The following CAD variants were observed in gnomAD, a reference collection of about 807,000 sequenced individuals.
CAD encodes multifunctional protein CAD.
Under a neutral mutation model 237.2 loss-of-function variants are expected in CAD, and 81 were observed. The ratio of observed to expected loss-of-function variants is 0.34; its 90% CI spans 0.29 to 0.41. CAD has a LOEUF of 0.41. CAD is among the 10% of genes least tolerant of loss of function. CAD has a pLI of 1.00. For missense variants in CAD, 2,181 were observed against 2,951.7 expected, an observed-to-expected ratio of 0.74 and a Z score of 6.05; for synonymous variants, 1,196 against 1,162.8, an observed-to-expected ratio of 1.03 and a Z score of -0.58.
Position 27,236,192 on chromosome 2 carries a change from C to T in CAD, c.4075-92C>T. 1 of 1,532,042 alleles carries T rather than the reference C, an allele frequency of 6.5e-7. No individual in the cohort carries two copies. The allele number at this position is 1,532,042 out of a possible 1,614,324, so 94.9% of individuals were successfully genotyped here. A position where few individuals can be genotyped will look rare whatever the true frequency, so the allele number is the denominator to read the frequency against. On this transcript the variant is annotated intron_variant, in intron 25 of 43. Transcript: ENST00000264705. The surrounding 1 kb of genome is among the most constrained non-coding windows in gnomAD (Gnocchi z 4.1). ...CCCTATGGGTCCTCAGTCTCCTCAT[C>T]ATGGGCTCCTGGGCCAGCTCCTCTC...
At chr2:27,238,292 C>G in intron 30 of CAD, 105 bp downstream of exon 30, 1 of 1,487,404 alleles carries the variant, frequency 6.7e-7, no homozygotes, top group Non-Finnish European at 9.1e-7. Flanking sequence ...AGTCTGGAGA[C>G]AGCAGGAGGA....
In CAD at chr2:27,239,181, C is replaced by A; in HGVS notation, c.5202C>A (p.His1734Gln). The change falls in exon 32 of 44, where the codon CAC becomes CAA. Residue 1734 changes from histidine to glutamine, a missense_variant. By Grantham distance (24) the His-to-Gln change is conservative. Coordinates refer to ENST00000264705, the MANE Select transcript of CAD (RefSeq NM_004341.5). The surrounding 1 kb of genome is among the most constrained non-coding windows in gnomAD (Gnocchi z 4.0). ...ACGACCTGCTGCAGCGATTGCACCA[C>A]AATCCTCGGCGCATCTTTCACCTGC... ...SLDDLLQRLH[H>Q]NPRRIFHLPP... is the part of the protein sequence containing the mutation. The A allele has an allele frequency of 6.2e-7, 1 of 1,611,740 alleles. No individual in the cohort carries two copies. Among genetic ancestry groups the A allele is most frequent in the Non-Finnish European group, 8.5e-7 (1 of 1,178,662 alleles).
chr2:27,232,668 G>C lies in CAD; in HGVS notation c.2866G>C (p.Val956Leu). Residue 956 changes from valine to leucine, a missense_variant, in exon 18 of 44, where the codon GTA (valine) becomes CTA (leucine). Coordinates refer to ENST00000264705, the MANE Select transcript of CAD (RefSeq NM_004341.5). The surrounding 1 kb of genome is among the most constrained non-coding windows in gnomAD (Gnocchi z 4.1). ...GSSVEFDWCA[V>L]GCIQQLRKMG... Reference sequence around the variant, plus strand: ...TAGCGTTGAATTTGACTGGTGTGCTGTAGGCTGCATCCAGCAGCTCCGAAA... The same window carrying C: ...TAGCGTTGAATTTGACTGGTGTGCTCTAGGCTGCATCCAGCAGCTCCGAAA... The C allele has an allele frequency of 6.2e-7, 1 of 1,614,212 alleles. No homozygotes were observed. Among genetic ancestry groups the C allele is most frequent in the Non-Finnish European group, 8.5e-7 (1 of 1,180,028 alleles).
In CAD at chr2:27,222,677, T is replaced by C. The variant is rs765386774; in HGVS notation, c.637+17T>C. 1.9e-6 allele frequency: 3 copies of C among 1,606,854 alleles called. No homozygotes were observed. Among genetic ancestry groups the C allele is most frequent in the African/African-American group, 2.7e-5 (2 of 74,738 alleles). ...ACAGCCAAGGTGAGTAGCTGGGGCC[T>C]GTTCAGGGCCTCAGACAAGCAGCTT... On this transcript the variant is annotated intron_variant, in intron 5 of 43. Transcript: ENST00000264705.
rs1365988813 is a variant in CAD, at chr2:27,236,334, A to C, written c.4125A>C (p.Pro1375=). ...AGGAGGCTGTGGATGGTGAGTGCCC[A>C]CCACAGCGGAGCATCCTGGAGCAGC... The part of the protein sequence containing the change: ...HFEEAVDGEC[P]PQRSILEQLA... Residue 1375 remains proline (P), a synonymous_variant, in exon 26 of 44, where the codon CCA becomes CCC. Transcript: ENST00000264705. The surrounding 1 kb of genome is among the most constrained non-coding windows in gnomAD (Gnocchi z 4.1). 6.2e-7 allele frequency: 1 copy of C among 1,614,068 alleles called. No individual in the cohort carries two copies. The highest frequency in any genetic ancestry group is 8.5e-7 in the Non-Finnish European group (1 of 1,180,012).
chr2:27,228,346 G>A (rs777349288), intron 15 of CAD, among the ~76,000 whole-genome samples: 2 of 152,148 alleles, frequency 1.3e-5, no homozygotes, highest in Admixed American at 6.5e-5. Context: ...AAAGTTATTC[G>A]TACTCATCAA....
Position 27,233,919 on chromosome 2 carries a change from A to G in CAD, c.3400-89A>G, listed in dbSNP as rs1011745512. 5 of 1,542,344 alleles carry G rather than the reference A, an allele frequency of 3.2e-6. No homozygotes were observed. The highest frequency in any genetic ancestry group is 1.1e-5 in the South Asian group (1 of 88,336). On this transcript the variant is annotated intron_variant, in intron 21 of 43. Transcript: ENST00000264705. The surrounding 1 kb of genome is among the most constrained non-coding windows in gnomAD (Gnocchi z 6.3). ...GCACCAGGGCTGGGAACAGTGGGCT[A>G]TGTGGGGCTCGTTAAAGGAAGAGAC... is the stretch of plus-strand genomic sequence containing the variant.
Position 27,240,320 on chromosome 2 carries a change from T to G in CAD, c.5552T>G (p.Leu1851Arg). Reference sequence around the variant, plus strand: ...GGGCTTCCTGATGGCCGCTTCCATCTGCCGCCCCGAATCCATCGAGCCTCC... The same window carrying G: ...GGGCTTCCTGATGGCCGCTTCCATCGGCCGCCCCGAATCCATCGAGCCTCC... The part of the protein sequence containing the change: ...IPGLPDGRFH[L>R]PPRIHRASDP... Residue 1851 changes from leucine to arginine, a missense_variant, in exon 35 of 44, where the codon CTG becomes CGG. Leu to Arg is a moderately radical substitution (Grantham distance 102, BLOSUM62 -2). Transcript: ENST00000264705. The surrounding 1 kb of genome is among the most constrained non-coding windows in gnomAD (Gnocchi z 4.6). 1 of 1,614,064 alleles carries G rather than the reference T, an allele frequency of 6.2e-7. No individual in the cohort carries two copies. The highest frequency in any genetic ancestry group is 1.1e-5 in the South Asian group (1 of 91,074).
chr2:27,222,885 A>G lies in CAD; in HGVS notation c.657A>G (p.Leu219=). Residue 219 remains leucine, a synonymous_variant, in exon 6 of 44, where the codon TTA becomes TTG. Coordinates refer to ENST00000264705, the MANE Select transcript of CAD (RefSeq NM_004341.5). ...CTCCAGAGTATGAGGGTCTCTTCTT[A>G]AGTAATGGGCCTGGTGACCCTGCCT... ...LDSQEYEGLF[L]SNGPGDPASY... 1 of 1,614,150 alleles carries G rather than the reference A, an allele frequency of 6.2e-7. No individual in the cohort carries two copies. Among genetic ancestry groups the G allele is most frequent in the Non-Finnish European group, 8.5e-7 (1 of 1,180,022 alleles).
rs752060530 is a variant in CAD, at chr2:27,239,782, C to T, written c.5480C>T (p.Thr1827Ile). The T allele has an allele frequency of 1.3e-6, 2 of 1,566,182 alleles. No homozygotes were observed. Among genetic ancestry groups the T allele is most frequent in the Non-Finnish European group, 1.7e-6 (2 of 1,155,718 alleles). The change falls in exon 34 of 44, where the codon ACT (threonine) becomes ATT (isoleucine). Residue 1827 changes from threonine to isoleucine, a missense_variant. Coordinates refer to ENST00000264705, the MANE Select transcript of CAD (RefSeq NM_004341.5). This position sits in a 1 kb window ranked among gnomAD's most constrained non-coding sequence, Gnocchi z 4.0. ...CAGCTCCCACCCTCAGCCCCTGCCA[C>T]TAGTGAGATGACCACGGTATCCACA... is the stretch of plus-strand genomic sequence containing the variant. Reference protein sequence around the residue: ...VPQLPPSAPATSEMTTTPERP... With the variant: ...VPQLPPSAPAISEMTTTPERP...
rs1353320827 is a variant in CAD at position 27,241,399 on chromosome 2, C to T, written c.5883+3C>T. 22 of 1,614,004 alleles carry T rather than the reference C, an allele frequency of 1.4e-5. No homozygotes were observed. The highest frequency in any genetic ancestry group is 1.7e-5 in the Non-Finnish European group (20 of 1,179,968). On this transcript the variant is annotated splice_donor_region_variant and intron_variant, in intron 38 of 43. Coordinates refer to ENST00000264705, the MANE Select transcript of CAD (RefSeq NM_004341.5). The surrounding 1 kb of genome is among the most constrained non-coding windows in gnomAD (Gnocchi z 4.6). ...AGCGGAGCCTCGACATCCTGAAGGTCAGGATCAGGGCCGGGGGTAGGGTCC... is the reference window on the plus strand; with the variant it reads ...AGCGGAGCCTCGACATCCTGAAGGTTAGGATCAGGGCCGGGGGTAGGGTCC...
At chr2:27,228,988 G>A (rs1163702661) in intron 15 of CAD, among the ~76,000 whole-genome samples, 19 of 144,850 alleles carry the variant, frequency 1.3e-4, no homozygotes, top group Admixed American at 1.1e-3. Flanking sequence ...GTGCTATCTC[G>A]GCTCACTGCA....
At position 27,239,412 on chromosome 2, in the gene CAD, G is replaced by A. The variant is rs1359793899; in HGVS notation, c.5335G>A (p.Val1779Met). Residue 1779 changes from valine (V) to methionine (M), a missense_variant, in exon 33 of 44, where the codon GTG (valine) becomes ATG (methionine). Val to Met is a conservative substitution (Grantham distance 21, BLOSUM62 1). Around this residue, in one of 12 missense-constraint regions of CAD, gnomAD observed 478 missense variants for 515.0 expected, o/e 0.93. Transcript: ENST00000264705. This position sits in a 1 kb window ranked among gnomAD's most constrained non-coding sequence, Gnocchi z 4.0. ...CTGGACACCTTTTGAAGGGCAGAAA[G>A]TGAAGGGCACCGTCCGCCGTGTGGT... ...AHWTPFEGQK[V>M]KGTVRRVVLR... The A allele has an allele frequency of 3.7e-6, 6 of 1,614,170 alleles. No homozygotes were observed. The highest frequency in any genetic ancestry group is 5.1e-6 in the Non-Finnish European group (6 of 1,180,020).
Position 27,232,822 on chromosome 2 carries a change from G to T in CAD, c.2892+128G>T. On this transcript the variant is annotated intron_variant, in intron 18 of 43. Coordinates refer to ENST00000264705, the MANE Select transcript of CAD (RefSeq NM_004341.5). The surrounding 1 kb of genome is among the most constrained non-coding windows in gnomAD (Gnocchi z 4.1). ...TTTGGTCATAGAGCTTTGGGGTGGG[G>T]GTCCTTTTAGGCCATCTCTCATGCC... 8.7e-7 allele frequency: 1 copy of T among 1,151,910 alleles called. No homozygotes were observed. Among genetic ancestry groups the T allele is most frequent in the Non-Finnish European group, 1.3e-6 (1 of 790,782 alleles). 71.4% of individuals were successfully genotyped at this position (1,151,910 alleles called of 1,614,324 possible). A position where few individuals can be genotyped will look rare whatever the true frequency, so the allele number is the denominator to read the frequency against.
At position 27,222,943 on chromosome 2, in the gene CAD, G is replaced by T. The variant is rs143980497; in HGVS notation, c.715G>T (p.Val239Phe). Residue 239 changes from valine to phenylalanine, a missense_variant, in exon 6 of 44, where the codon GTT becomes TTT. This residue lies in a region of CAD where 314 missense variants were observed against 339.4 expected (regional missense o/e 0.93). Transcript: ENST00000264705. The part of the protein sequence containing the change: ...YPSVVSTLSR[V>F]LSEPNPRPVF... ...CAGTGTCGTATCCACACTGAGCCGT[G>T]TTTTATCTGAGCCTAATCCCCGACC... 23 of 1,614,076 alleles carry T rather than the reference G, an allele frequency of 1.4e-5. No individual in the cohort carries two copies. The African/African-American group carries it at 2.8e-4, about 20-fold the overall frequency.
At position 27,240,338 on chromosome 2, in the gene CAD, G is replaced by A. The variant is rs756916387; in HGVS notation, c.5570G>A (p.Arg1857Gln). The A allele has an allele frequency of 1.4e-5, 23 of 1,613,932 alleles. No individual in the cohort carries two copies. The African/African-American group carries it at 2.1e-4, about 15-fold the overall frequency. The change falls in exon 35 of 44, where the codon CGA (arginine) becomes CAA (glutamine). Residue 1857 changes from arginine to glutamine, a missense_variant. By Grantham distance (43) the Arg-to-Gln change is conservative. Transcript: ENST00000264705. The surrounding 1 kb of genome is among the most constrained non-coding windows in gnomAD (Gnocchi z 4.6). ...TTCCATCTGCCGCCCCGAATCCATC[G>A]AGCCTCCGACCCAGGTTTGCCAGGT... is the stretch of plus-strand genomic sequence containing the variant. The part of the protein sequence containing the change: ...GRFHLPPRIH[R>Q]ASDPGLPAEE...
chr2:27,243,879 G>A lies in CAD; in HGVS notation c.*361G>A. 8.8e-6 allele frequency: 2 copies of A among 227,754 alleles called. No homozygotes were observed. Among genetic ancestry groups the A allele is most frequent in the South Asian group, 1.7e-4 (2 of 12,078 alleles). 14.1% of individuals were successfully genotyped at this position (227,754 alleles called of 1,614,324 possible). The stretch of plus-strand genomic sequence containing the variant: ...CTCACCAGGCAGGGCTCTGGCTAGG[G>A]CTGCGTGCCCACACTCGGCATTTTC... On this transcript the variant is annotated 3_prime_UTR_variant, in exon 44 of 44. Transcript: ENST00000264705.
Position 27,242,354 on chromosome 2 carries a change from G to C in CAD, c.6149G>C (p.Gly2050Ala). ...GTGATCAATGCTGGGGATGGGGTCG[G>C]AGAGCACCCCACCCAGGCCCTGCTG... The part of the protein sequence containing the change: ...RPVINAGDGV[G>A]EHPTQALLDI... Residue 2050 changes from glycine to alanine, a missense_variant, in exon 40 of 44, where the codon GGA (glycine) becomes GCA (alanine). Gly to Ala is a moderately conservative substitution (Grantham distance 60, BLOSUM62 0). Coordinates refer to ENST00000264705, the MANE Select transcript of CAD (RefSeq NM_004341.5). The surrounding 1 kb of genome is among the most constrained non-coding windows in gnomAD (Gnocchi z 6.4). 1 of 1,614,084 alleles carries C rather than the reference G, an allele frequency of 6.2e-7. No individual in the cohort carries two copies. Among genetic ancestry groups the C allele is most frequent in the Admixed American group, 1.7e-5 (1 of 60,006 alleles).
chr2:27,234,405 A>C, intron 22 of CAD, 113 bp from the exon 23 acceptor site: 1 of 1,215,400 alleles, frequency 8.2e-7, no homozygotes, highest in Non-Finnish European at 1.2e-6. Context: ...GTGACCCTGA[A>C]CCCTGCTCAG....
Sources: gnomAD v4.1 joint callset for allele counts (sites outside exome capture counted in the v4.1 genomes callset) on GRCh38, gnomAD v4.1.1 for gene constraint, gnomAD v4.1.1 regional missense constraint, Gnocchi (gnomAD v3.1) non-coding constraint, MANE v1.5 for transcripts, NCBI Gene and HGNC (gene_info 2026-07-23, HGNC 2026-07-21) for gene names.